CDH12: variants seen among roughly 807,000 people sequenced by gnomAD.
CDH12 encodes the protein cadherin-12.
In CDH12, 41 loss-of-function variants were observed where a neutral mutation model predicts 74.1. That is an observed-to-expected ratio of 0.55 (90% CI 0.43 to 0.72). The LOEUF is 0.72. Ranked by LOEUF, CDH12 falls within the 30% of genes least tolerant of loss-of-function variation. CDH12 has a pLI of 0.00. For missense variants in CDH12, 945 were observed against 977.2 expected (o/e 0.97, Z 0.44); for synonymous variants, 399 against 355.0 (o/e 1.12, Z -1.39).
chr5:22,666,464 A>AT (rs1158718208), intron 1 of CDH12, among the ~76,000 whole-genome samples: 5 of 150,870 alleles, frequency 3.3e-5, no homozygotes, highest in African/African-American at 1.2e-4. Flanking sequence ...TAATTTTTGT[A>AT]TTTTTTTAGT....
intron 1 of CDH12, among the ~76,000 whole-genome samples, chr5:22,636,412 AC>A (rs966843034): frequency 7.2e-5 from 11 of 152,294 alleles, no homozygotes; most frequent in African/African-American, 2.4e-4. Flanking sequence ...TGTGGAAACT[AC>A]CCAAATGTCT....
At chr5:21,857,328 G>A (rs1168526640) in intron 6 of CDH12, among the ~76,000 whole-genome samples, 1 of 151,792 alleles carries the variant, frequency 6.6e-6, no homozygotes, top group African/African-American at 2.4e-5. Flanking sequence ...TTTGAATCCA[G>A]GGATGACAAT....
At chr5:22,348,369 G>T (rs1281052542) in intron 3 of CDH12, among the ~76,000 whole-genome samples, 3 of 152,212 alleles carry the variant, frequency 2.0e-5, no homozygotes, top group Non-Finnish European at 4.4e-5. Context: ...TATTTTGAAT[G>T]TCGGAATTTG....
chr5:22,036,854 C>A (rs552500336), intron 5 of CDH12, among the ~76,000 whole-genome samples: 28 of 152,268 alleles, frequency 1.8e-4, no homozygotes, highest in African/African-American at 6.5e-4. Flanking sequence ...TTAGATAACT[C>A]ATTTCCTTGA....
chr5:21,802,229 C>T lies in CDH12; in HGVS notation c.1194G>A (p.Pro398=), dbSNP rs1747153987. The T allele has an allele frequency of 1.9e-6, 3 of 1,613,852 alleles. No individual in the cohort carries two copies. Among genetic ancestry groups the T allele is most frequent in the South Asian group, 1.1e-5 (1 of 91,082 alleles). ...LYTMEVYEDT[P]VGTIIGAVTA... ...TGACAGCGCCAATGATGGTCCCTACCGGAGTGTCTTCATAAACCTCCATGG... is the reference window on the plus strand; with the variant it reads ...TGACAGCGCCAATGATGGTCCCTACTGGAGTGTCTTCATAAACCTCCATGG... Residue 398 remains proline, a synonymous_variant, in exon 10 of 15, where the codon CCG becomes CCA. Coordinates refer to ENST00000382254, the MANE Select transcript of CDH12 (RefSeq NM_004061.5).
chr5:22,401,441 C>T (rs1399338676), intron 3 of CDH12, among the ~76,000 whole-genome samples: 2 of 152,046 alleles, frequency 1.3e-5, no homozygotes, highest in Admixed American at 6.6e-5. Context: ...TATTTTGTTA[C>T]TTCTTAGCAC....
intron 4 of CDH12, among the ~76,000 whole-genome samples, chr5:22,176,286 T>C (rs1749335265): frequency 1.3e-5 from 2 of 152,090 alleles, no homozygotes; most frequent in Admixed American, 1.3e-4. Context: ...ATCCCTTCAT[T>C]GTTTTGTTGC....
intron 1 of CDH12, among the ~76,000 whole-genome samples, chr5:22,517,640 C>T (rs1338377680): frequency 6.6e-6 from 1 of 152,132 alleles, no homozygotes; most frequent in East Asian, 1.9e-4. Flanking sequence ...CTGACTAATA[C>T]ACTAACTCAA....
At chr5:22,637,098 G>T (rs972850882) in intron 1 of CDH12, among the ~76,000 whole-genome samples, 1 of 152,168 alleles carries the variant, frequency 6.6e-6, no homozygotes, top group African/African-American at 2.4e-5. Context: ...TACTCTGACA[G>T]GCAGAAATCA....
chr5:21,774,870 T>G (rs1281455493), intron 11 of CDH12, among the ~76,000 whole-genome samples: 2 of 152,190 alleles, frequency 1.3e-5, no homozygotes, highest in African/African-American at 4.8e-5. Flanking sequence ...TAAGTACATA[T>G]ATTCATGGTA....
At position 22,229,144 on chromosome 5, in the gene CDH12, T is replaced by TTA. The variant is rs560878802; in HGVS notation, c.-332-16502_-332-16501insTA. Among the ~76,000 whole-genome samples, 638 of 151,242 alleles carry TTA rather than the reference T, an allele frequency of 4.2e-3. 6 individuals carry two copies. The highest frequency in any genetic ancestry group is 0.015 in the African/African-American group (617 of 40,800). The stretch of plus-strand genomic sequence containing the variant: ...AATTTACAAATCCTTTTTCTTTTTT[T>TTA]TTTTTTAGTATATTCCACTGTCAGT... On this transcript the variant is annotated intron_variant, in intron 3 of 14. Coordinates refer to ENST00000382254, the MANE Select transcript of CDH12 (RefSeq NM_004061.5).
chr5:22,463,335 A>G (rs1745593699), intron 2 of CDH12, among the ~76,000 whole-genome samples: 1 of 152,206 alleles, frequency 6.6e-6, no homozygotes, highest in Non-Finnish European at 1.5e-5. Flanking sequence ...AAGCCTACTC[A>G]ATGAAATGTG....
At chr5:22,307,246 T>G (rs1040660664) in intron 3 of CDH12, among the ~76,000 whole-genome samples, 1 of 152,218 alleles carries the variant, frequency 6.6e-6, no homozygotes, top group African/African-American at 2.4e-5. Flanking sequence ...AAGAGCTGTA[T>G]TCCTGGCATT....
chr5:22,378,852 G>C (rs115656164), intron 3 of CDH12, among the ~76,000 whole-genome samples: 1,823 of 152,004 alleles, frequency 0.012, 38 homozygotes, highest in African/African-American at 0.041. Context: ...ATTTTCCTAG[G>C]TCATAAAGTA....
At chr5:21,902,756 T>A (rs1027418911) in intron 6 of CDH12, among the ~76,000 whole-genome samples, 20 of 152,164 alleles carry the variant, frequency 1.3e-4, no homozygotes, top group Non-Finnish European at 2.4e-4. Context: ...TTGTTCAATT[T>A]TTTTTAAAAT....
At chr5:22,680,086 G>T (rs1355279957) in intron 1 of CDH12, among the ~76,000 whole-genome samples, 3 of 152,058 alleles carry the variant, frequency 2.0e-5, no homozygotes. Context: ...CAATACAGTT[G>T]TAGTCACCCA....
chr5:22,578,421 T>TA (rs1310058812), intron 1 of CDH12, among the ~76,000 whole-genome samples: 4 of 151,966 alleles, frequency 2.6e-5, no homozygotes, highest in Non-Finnish European at 5.9e-5. Context: ...TAGGACAAGT[T>TA]AGTAATCGAG....
chr5:22,604,495 G>C (rs1580808967), intron 1 of CDH12, among the ~76,000 whole-genome samples: 1 of 152,106 alleles, frequency 6.6e-6, no homozygotes, highest in East Asian at 1.9e-4. Context: ...AATAGTCTAG[G>C]CATCAATCAA....
At chr5:22,364,088 G>A (rs1035834339) in intron 3 of CDH12, among the ~76,000 whole-genome samples, 4 of 152,296 alleles carry the variant, frequency 2.6e-5, no homozygotes, top group Admixed American at 2.6e-4. Context: ...AGACACATCT[G>A]TGGTTTCCAA....
Sources: gnomAD v4.1 joint callset for allele counts (sites outside exome capture counted in the v4.1 genomes callset) on GRCh38, gnomAD v4.1.1 for gene constraint, MANE v1.5 for transcripts, NCBI Gene and HGNC (gene_info 2026-07-23, HGNC 2026-07-21) for gene names.